Variants in MMP1 observed in about 807,000 individuals in gnomAD.
MMP1 encodes interstitial collagenase.
MMP1 carries 51 observed loss-of-function variants against 49.6 expected under a neutral mutation model. The ratio of observed to expected loss-of-function variants is 1.03; its 90% CI spans 0.82 to 1.30. MMP1 has a LOEUF of 1.30. MMP1 is among the 50% of genes most tolerant of loss of function. The probability of loss-of-function intolerance (pLI) is 0.00; values close to 1 mark genes in which losing one functional copy is unlikely to be tolerated. For synonymous variants in MMP1, 230 were observed against 196.8 expected, an observed-to-expected ratio of 1.17 and a Z score of -1.41; for missense variants, 623 against 568.7, an observed-to-expected ratio of 1.10 and a Z score of -0.97.
In MMP1 at chr11:102,797,527, T is replaced by C. The variant is rs1182834322; in HGVS notation, c.106-27A>G. On this transcript the variant is annotated intron_variant, in intron 1 of 9. Coordinates refer to ENST00000315274, the MANE Select transcript of MMP1 (RefSeq NM_002421.4). ...TGACAAAAGAAAATTATCGAAACAC[T>C]GCATGGGAAATCTTTCTCATTATTC... The C allele has an allele frequency of 5.6e-6, 9 of 1,610,296 alleles. No individual in the cohort carries two copies. The East Asian group carries it at 2.0e-4, about 36-fold the overall frequency.
chr11:102,797,203 C>G (rs758415379), intron 2 of MMP1, 41 bp from the exon 3 acceptor site: 1 of 1,613,572 alleles, frequency 6.2e-7, no homozygotes, highest in Non-Finnish European at 8.5e-7. Flanking sequence ...GACATGACTT[C>G]TTACCACTGT....
At chr11:102,797,566 C>T (rs1360296653) in intron 1 of MMP1, 66 bp from the exon 2 acceptor site, 1 of 1,585,748 alleles carries the variant, frequency 6.3e-7, no homozygotes, top group Non-Finnish European at 8.6e-7. Flanking sequence ...AAATTGATGG[C>T]ATTAAGTTTT....
In MMP1 at chr11:102,792,644, A is replaced by C. The variant is rs772091045; in HGVS notation, c.994T>G (p.Tyr332Asp). The C allele has an allele frequency of 1.9e-6, 3 of 1,613,946 alleles. No individual in the cohort carries two copies. The South Asian group carries it at 3.3e-5, about 18-fold the overall frequency. Residue 332 changes from tyrosine (Y) to aspartate (D), a missense_variant, in exon 7 of 10, where the codon TAC becomes GAC. Coordinates refer to ENST00000315274, the MANE Select transcript of MMP1 (RefSeq NM_002421.4). Reference sequence around the variant, plus strand: ...ACTTCATCTCTGTCGGCAAATTCGTAAGCAGCTTCAAGCCCATTTGGCAGT... The same window carrying C: ...ACTTCATCTCTGTCGGCAAATTCGTCAGCAGCTTCAAGCCCATTTGGCAGT... ...PQLPNGLEAA[Y>D]EFADRDEVRF... is the part of the protein sequence containing the mutation.
intron 6 of MMP1, among the ~76,000 whole-genome samples, chr11:102,793,692 T>C (rs953354350): frequency 6.6e-6 from 1 of 152,188 alleles, no homozygotes; most frequent in African/African-American, 2.4e-5. Context: ...ACCCAGCTGG[T>C]AAGAGGCTAA....
chr11:102,797,140 A>C lies in MMP1; in HGVS notation c.373T>G (p.Leu125Val). 1.2e-6 allele frequency: 2 copies of C among 1,614,152 alleles called. No individual in the cohort carries two copies. Among genetic ancestry groups the C allele is most frequent in the Non-Finnish European group, 1.7e-6 (2 of 1,180,020 alleles). Residue 125 changes from leucine (L) to valine (V), a missense_variant, in exon 3 of 10, where the codon TTG (leucine) becomes GTG (valine). By Grantham distance (32) the Leu-to-Val change is conservative (BLOSUM62 1). Coordinates refer to ENST00000315274, the MANE Select transcript of MMP1 (RefSeq NM_002421.4). The part of the protein sequence containing the change: ...TYRIENYTPD[L>V]PRADVDHAIE... The stretch of plus-strand genomic sequence containing the variant: ...GCATGGTCCACATCTGCTCTTGGCA[A>C]ATCTGGCGTGTAATTTTCAATCCTT...
intron 8 of MMP1, 77 bp downstream of exon 8, chr11:102,791,256 C>T: frequency 3.3e-6 from 5 of 1,516,884 alleles, no homozygotes; most frequent in Admixed American, 1.8e-5. Flanking sequence ...GTTTGAGACT[C>T]ACTTTGAAAT....
chr11:102,796,840 G>C (rs1858206921), intron 3 of MMP1, 51 bp from the exon 4 acceptor site: 1 of 1,595,104 alleles, frequency 6.3e-7, no homozygotes, highest in African/African-American at 1.3e-5. Context: ...TGTAAGCTAA[G>C]CCAGAAGGGC....
chr11:102,796,387 T>A (rs911970077), intron 4 of MMP1, among the ~76,000 whole-genome samples: 1 of 152,244 alleles, frequency 6.6e-6, no homozygotes, highest in Non-Finnish European at 1.5e-5. Context: ...TTTCTTCTAA[T>A]GAAAAAGTTT....
rs373917418 is a variant in MMP1, at chr11:102,790,567, C to A, written c.1301-46G>T. The A allele has an allele frequency of 1.8e-5, 25 of 1,381,958 alleles. 1 individual carries two copies. The African/African-American group carries it at 3.3e-4, about 18-fold the overall frequency. The allele number at this position is 1,381,958 out of a possible 1,614,324, so 85.6% of individuals were successfully genotyped here. On this transcript the variant is annotated intron_variant, in intron 9 of 9. Transcript: ENST00000315274. ...ACTTACTACATTATACAAGTAGTTT[C>A]TAGGTTTAACTTGAATTCTTGAGAA...
rs1001036252 is a variant in MMP1 at position 102,797,883 on chromosome 11, A to G, written c.105+105T>C. The stretch of plus-strand genomic sequence containing the variant: ...GGTGCTGTTTCTAGCAAAAAAAAAA[A>G]AAATCTCTTTATAAGAAACCTATCC... On this transcript the variant is annotated intron_variant, in intron 1 of 9. Coordinates refer to ENST00000315274, the MANE Select transcript of MMP1 (RefSeq NM_002421.4). 5.7e-6 allele frequency: 5 copies of G among 880,312 alleles called. No homozygotes were observed. In the African/African-American group the frequency reaches 8.5e-5, roughly 15 times the overall value. The allele number at this position is 880,312 out of a possible 1,614,324, so 54.5% of individuals were successfully genotyped here.
Position 102,790,424 on chromosome 11 carries a change from G to A in MMP1, c.1398C>T (p.Cys466=), listed in dbSNP as rs1857992373. 1 of 1,591,860 alleles carries A rather than the reference G, an allele frequency of 6.3e-7. No individual in the cohort carries two copies. The highest frequency in any genetic ancestry group is 1.3e-5 in the African/African-American group (1 of 74,156). The change falls in exon 10 of 10, where the codon TGC becomes TGT. Residue 466 remains cysteine (C), a synonymous_variant. Coordinates refer to ENST00000315274, the MANE Select transcript of MMP1 (RefSeq NM_002421.4). ...AAATTAGTAATGTTCAATTTTTCCTGCAGTTGAACCAGCTATTAGCTTTCT... is the reference window on the plus strand; with the variant it reads ...AAATTAGTAATGTTCAATTTTTCCTACAGTTGAACCAGCTATTAGCTTTCT... ...TLQKANSWFN[C]RKN
chr11:102,790,931 TG>T lies in MMP1; in HGVS notation c.1197-126del, dbSNP rs532716456. ...TTCATTTTATAGATCATTTGTGAAA[TG>T]GGGAGTGGATGGGATAAGGTGGAAT... On this transcript the variant is annotated intron_variant, in intron 8 of 9. Coordinates refer to ENST00000315274, the MANE Select transcript of MMP1 (RefSeq NM_002421.4). 8.4e-4 allele frequency: 560 copies of T among 664,756 alleles called. 2 individuals carry two copies. The African/African-American group carries it at 8.6e-3, about 10-fold the overall frequency. 41.2% of individuals were successfully genotyped at this position (664,756 alleles called of 1,614,324 possible).
At position 102,796,646 on chromosome 11, in the gene MMP1, C is replaced by A; in HGVS notation, c.625+18G>T. The A allele has an allele frequency of 6.2e-7, 1 of 1,609,170 alleles. No individual in the cohort carries two copies. The highest frequency in any genetic ancestry group is 1.1e-5 in the South Asian group (1 of 89,684). ...GAAGGGGTGGGAGAATTGAGAGAGG[C>A]AAATTTGATTGGCTTACCTCTGAAA... On this transcript the variant is annotated intron_variant, in intron 4 of 9. Transcript: ENST00000315274.
chr11:102,795,139 CA>C (rs1217325404), intron 6 of MMP1, 34 bp downstream of exon 6: 1 of 1,449,840 alleles, frequency 6.9e-7, no homozygotes, highest in Admixed American at 1.7e-5. Context: ...GTTATTATTA[CA>C]AATGCAGATC....
In MMP1 at chr11:102,791,360, T is replaced by C; in HGVS notation, c.1169A>G (p.Tyr390Cys). Residue 390 changes from tyrosine to cysteine, a missense_variant, in exon 8 of 10, where the codon TAC becomes TGC. Coordinates refer to ENST00000315274, the MANE Select transcript of MMP1 (RefSeq NM_002421.4). ...CCAGTATTTGTTAGCAACAAAGAAGTAGGTTTTTCCAGTGTTTTCCTCAGA... is the reference window on the plus strand; with the variant it reads ...CCAGTATTTGTTAGCAACAAAGAAGCAGGTTTTTCCAGTGTTTTCCTCAGA... ...ALSEENTGKT[Y>C]FFVANKYWRY... 1.2e-6 allele frequency: 2 copies of C among 1,613,986 alleles called. No individual in the cohort carries two copies. Among genetic ancestry groups the C allele is most frequent in the South Asian group, 1.1e-5 (1 of 91,070 alleles).
chr11:102,796,813 A>G (rs772268854), intron 3 of MMP1, 24 bp from the exon 4 acceptor site: 3 of 1,609,366 alleles, frequency 1.9e-6, no homozygotes, highest in South Asian at 1.1e-5. Context: ...TTCAACAAAG[A>G]TTCCTTGTGG....
In MMP1 at chr11:102,792,710, G is replaced by T. The variant is rs753618330; in HGVS notation, c.928C>A (p.Pro310Thr). The T allele has an allele frequency of 6.2e-7, 1 of 1,613,584 alleles. No individual in the cohort carries two copies. The highest frequency in any genetic ancestry group is 8.5e-7 in the Non-Finnish European group (1 of 1,179,640). The change falls in exon 7 of 10, where the codon CCG becomes ACG. Residue 310 changes from proline (P) to threonine (T), a missense_variant. Pro to Thr is a conservative substitution (Grantham distance 38, BLOSUM62 -1). Coordinates refer to ENST00000315274, the MANE Select transcript of MMP1 (RefSeq NM_002421.4). The stretch of plus-strand genomic sequence containing the variant: ...GAAATGAAATTGAGCTCAACTTCCG[G>T]GTAGAAGGGATTTGTGCGCATGTAG... ...RFYMRTNPFY[P>T]EVELNFISVF...
In MMP1 at chr11:102,790,480, C is replaced by A. The variant is rs771377044; in HGVS notation, c.1342G>T (p.Asp448Tyr). 1 of 1,610,294 alleles carries A rather than the reference C, an allele frequency of 6.2e-7. No individual in the cohort carries two copies. Among genetic ancestry groups the A allele is most frequent in the Non-Finnish European group, 8.5e-7 (1 of 1,177,924 alleles). The change falls in exon 10 of 10, where the codon GAT (aspartate) becomes TAT (tyrosine). Residue 448 changes from aspartate to tyrosine, a missense_variant. Asp to Tyr is a radical substitution (Grantham distance 160, BLOSUM62 -3). Transcript: ENST00000315274. ...FFHGTRQYKF[D>Y]PKTKRILTLQ... ...GTCAAAATTCTCTTCGTTTTAGGAT[C>A]AAATTTGTATTGTCTTGTTCCATGA...
chr11:102,797,349 AC>A lies in MMP1; in HGVS notation c.256del (p.Val86Ter), dbSNP rs745988151. 13 of 1,613,950 alleles carry A rather than the reference AC, an allele frequency of 8.1e-6. No homozygotes were observed. Among genetic ancestry groups the A allele is most frequent in the Middle Eastern group, 1.6e-4 (1 of 6,084 alleles). ...CACTCCACATCTGGGCTGCTTCATCACCTTCAGGGTTTCAGCATCTGGTTTC... is the reference window on the plus strand; with the variant it reads ...CACTCCACATCTGGGCTGCTTCATCACTTCAGGGTTTCAGCATCTGGTTTC... Reference protein sequence around the residue: ...TGKPDAETLKVMKQPRCGVPD... With the variant: ...TGKPDAETLKXMKQPRCGVPD... On this transcript the variant is annotated frameshift_variant, in exon 2 of 10. Transcript: ENST00000315274. LOFTEE classifies it high-confidence loss of function.
Sources: allele counts gnomAD v4.1 joint callset (sites outside exome capture counted in the v4.1 genomes callset), GRCh38; gene constraint gnomAD v4.1.1; transcripts MANE v1.5; gene names NCBI Gene and HGNC (gene_info 2026-07-23, HGNC 2026-07-21).